The following AFTPH variants were observed in gnomAD, a reference collection of about 807,000 sequenced individuals.
AFTPH encodes the protein aftiphilin protein.
Under a neutral mutation model 72.5 loss-of-function variants are expected in AFTPH, and 7 were observed. The observed-to-expected ratio is 0.10, with a 90% CI of 0.05 to 0.18. The LOEUF is 0.18. Ranked by LOEUF, AFTPH falls within the 10% of genes least tolerant of loss-of-function variation. AFTPH has a pLI of 1.00. For synonymous variants in AFTPH, 337 were observed against 370.1 expected (o/e 0.91, Z 1.03); for missense variants, 979 against 1,060.5 (o/e 0.92, Z 1.07).
exon 2 of AFTPH, chr2:64,552,612 G>A: frequency 6.2e-7 from 1 of 1,614,180 alleles, no homozygotes. Context: ...TGATGATGAA[G>A]TTGGTTCTCC....
At chr2:64,571,845 T>G (rs2104089934) in intron 5 of AFTPH, among the ~76,000 whole-genome samples, 1 of 152,300 alleles carries the variant, frequency 6.6e-6, no homozygotes, top group East Asian at 1.9e-4. Context: ...TTGAGTTTGG[T>G]AGAGTGTTGA....
intron 1 of AFTPH, among the ~76,000 whole-genome samples, chr2:64,549,732 G>A (rs1460993086): frequency 6.6e-6 from 1 of 152,084 alleles, no homozygotes; most frequent in South Asian, 2.1e-4. Flanking sequence ...TAATTAGTAT[G>A]GGAAGGATTA....
Position 64,526,701 on chromosome 2 carries a change from A to T in AFTPH, c.-33+2089A>T, listed in dbSNP as rs140878430. Among the ~76,000 whole-genome samples the T allele has an allele frequency of 5.3e-3, 800 of 152,316 alleles. 8 individuals are homozygous for T. Among genetic ancestry groups the T allele is most frequent in the African/African-American group, 0.018 (751 of 41,558 alleles). On this transcript the variant is annotated intron_variant, in intron 1 of 8. Transcript: ENST00000238856. ...TGCTAATCATTTTCTCAGTTTGTGC[A>T]TATATCAGATATAGTCACAAGTTCT...
intron 8 of AFTPH, among the ~76,000 whole-genome samples, chr2:64,587,328 C>T (rs1414144956): frequency 6.6e-6 from 1 of 152,126 alleles, no homozygotes; most frequent in Non-Finnish European, 1.5e-5. Flanking sequence ...AGGTTGCCAA[C>T]TTTGTATTTT....
intron 5 of AFTPH, among the ~76,000 whole-genome samples, chr2:64,570,779 C>G (rs1041943920): frequency 2.0e-5 from 3 of 152,168 alleles, no homozygotes; most frequent in Admixed American, 2.0e-4. Flanking sequence ...AATGCTTATG[C>G]GTAGCCTCAG....
At chr2:64,533,329 G>T (rs1043235978) in intron 1 of AFTPH, among the ~76,000 whole-genome samples, 4 of 152,172 alleles carry the variant, frequency 2.6e-5, no homozygotes, top group African/African-American at 9.6e-5. Context: ...AGCTCAGGAG[G>T]TCGAGGCTGC....
chr2:64,536,632 G>A (rs1669906506), intron 1 of AFTPH, among the ~76,000 whole-genome samples: 1 of 150,292 alleles, frequency 6.7e-6, no homozygotes. Flanking sequence ...TGAAGGATAA[G>A]GGATAGAATA....
At chr2:64,552,255 A>G in exon 2 of AFTPH, 1 of 1,614,024 alleles carries the variant, frequency 6.2e-7, no homozygotes, top group Non-Finnish European at 8.5e-7. Context: ...AGCACTAACC[A>G]TTCGGGAAAA....
chr2:64,561,552 T>G (rs1027205718), intron 2 of AFTPH, among the ~76,000 whole-genome samples: 38 of 152,120 alleles, frequency 2.5e-4, no homozygotes, highest in African/African-American at 9.2e-4. Flanking sequence ...CCTGGTGGTG[T>G]TCACCTGTGG....
chr2:64,560,765 C>T (rs774825276), intron 2 of AFTPH, among the ~76,000 whole-genome samples: 5 of 152,016 alleles, frequency 3.3e-5, no homozygotes, highest in African/African-American at 4.8e-5. Context: ...TTGAGCTATT[C>T]GGGAGGCTGA....
chr2:64,587,434 G>A (rs372801701), intron 8 of AFTPH, among the ~76,000 whole-genome samples: 10 of 152,328 alleles, frequency 6.6e-5, no homozygotes, highest in East Asian at 3.9e-4. Context: ...ATTCTCAATC[G>A]TACAGAGCAG....
chr2:64,592,166 C>A, exon 9 of AFTPH: 1 of 924,660 alleles, frequency 1.1e-6, no homozygotes, highest in Non-Finnish European at 1.6e-6. Context: ...TGGTAAGCCG[C>A]ACTAGAAAGG....
chr2:64,534,551 A>G (rs911465943), intron 1 of AFTPH, among the ~76,000 whole-genome samples: 1 of 152,146 alleles, frequency 6.6e-6, no homozygotes, highest in Non-Finnish European at 1.5e-5. Flanking sequence ...TTTCTGTCTC[A>G]TTAGGTTTCA....
At position 64,567,554 on chromosome 2, in the gene AFTPH, T is replaced by C. The variant is rs766382728; in HGVS notation, c.1936-8T>C. The C allele has an allele frequency of 5.7e-5, 91 of 1,591,464 alleles. No homozygotes were observed. Among genetic ancestry groups the C allele is most frequent in the Non-Finnish European group, 7.2e-5 (84 of 1,172,346 alleles). On this transcript the variant is annotated splice_polypyrimidine_tract_variant and splice_region_variant and intron_variant, in intron 2 of 8. Coordinates refer to ENST00000238856, the Ensembl canonical transcript of AFTPH. ...GAAAATAAACTTTTGGGGGGTGTTT[T>C]GATGCAGACAGCTTTATTAAACCGC...
chr2:64,590,243 T>C (rs1368433813), intron 8 of AFTPH, among the ~76,000 whole-genome samples: 1 of 152,218 alleles, frequency 6.6e-6, no homozygotes, highest in African/African-American at 2.4e-5. Flanking sequence ...TTAGTATAGG[T>C]GTCCTACAGA....
At chr2:64,571,938 G>A (rs959129704) in intron 5 of AFTPH, among the ~76,000 whole-genome samples, 2 of 152,014 alleles carry the variant, frequency 1.3e-5, no homozygotes, top group African/African-American at 2.4e-5. Flanking sequence ...ATATTAGGCC[G>A]GGCGTGGTGG....
exon 2 of AFTPH, chr2:64,552,738 G>A (rs149217705): frequency 6.2e-7 from 1 of 1,614,182 alleles, no homozygotes; most frequent in Non-Finnish European, 8.5e-7. Flanking sequence ...TAATGACTTT[G>A]TGACTTGCAA....
At chr2:64,544,217 A>G (rs138803315) in intron 1 of AFTPH, among the ~76,000 whole-genome samples, 144 of 152,340 alleles carry the variant, frequency 9.5e-4, no homozygotes, top group African/African-American at 3.2e-3. Context: ...ATAAATCTCC[A>G]AAGTACAGGA....
chr2:64,552,119 T>C (rs1461088424), exon 2 of AFTPH: 4 of 1,613,944 alleles, frequency 2.5e-6, no homozygotes, highest in Non-Finnish European at 3.4e-6. Context: ...TTAGCACTCA[T>C]AGCACTGAGT....
Sources: allele counts gnomAD v4.1 joint callset (sites outside exome capture counted in the v4.1 genomes callset), GRCh38; gene constraint gnomAD v4.1.1; transcripts MANE v1.5; gene names NCBI Gene and HGNC (gene_info 2026-07-23, HGNC 2026-07-21).